PCDHGA10: variants seen among roughly 807,000 people sequenced by gnomAD.
The protein encoded by PCDHGA10 is protocadherin gamma-A10.
PCDHGA10 carries 42 observed loss-of-function variants against 59.5 expected under a neutral mutation model. That is an observed-to-expected ratio of 0.71 (90% CI 0.55 to 0.91). The LOEUF is 0.91. PCDHGA10 is among the 40% of genes least tolerant of loss of function. The pLI is 0.00. For missense variants in PCDHGA10, 1,111 were observed against 1,198.2 expected, an observed-to-expected ratio of 0.93 and a Z score of 1.07; for synonymous variants, 511 against 517.2, an observed-to-expected ratio of 0.99 and a Z score of 0.16.
intron 1 of PCDHGA10, among the ~76,000 whole-genome samples, chr5:141,457,171 T>C (rs1337137368): frequency 3.3e-5 from 5 of 152,216 alleles, no homozygotes; most frequent in Non-Finnish European, 7.3e-5. Flanking sequence ...GATAACCCTA[T>C]TGCAAATAGT....
chr5:141,485,964 T>A lies in PCDHGA10; in HGVS notation c.2437-8843T>A. 1 of 1,614,162 alleles carries A rather than the reference T, an allele frequency of 6.2e-7. No homozygotes were observed. The highest frequency in any genetic ancestry group is 8.5e-7 in the Non-Finnish European group (1 of 1,180,000). On this transcript the variant is annotated intron_variant, in intron 1 of 3. Transcript: ENST00000398610. The surrounding 1 kb of genome is among the most constrained non-coding windows in gnomAD (Gnocchi z 5.7). ...CCAGCGGGCATGGTGCTCATCCAGC[T>A]CAATGCCTCAGACCCGGACCTGGGT...
chr5:141,480,239 A>C (rs1320132415), intron 1 of PCDHGA10, among the ~76,000 whole-genome samples: 4 of 136,218 alleles, frequency 2.9e-5, no homozygotes, highest in African/African-American at 1.1e-4. Context: ...TCCTGTCTCT[A>C]CAAAAAAAAA....
intron 1 of PCDHGA10, chr5:141,420,103 G>C (rs754672450): frequency 4.3e-6 from 7 of 1,613,990 alleles, no homozygotes; most frequent in Non-Finnish European, 2.5e-6. Context: ...AGGGAACGTT[G>C]CCCTATGCCT....
In PCDHGA10 at chr5:141,414,324, T is replaced by G. The variant is rs2095735584; in HGVS notation, c.1149T>G (p.Asn383Lys). 6.2e-7 allele frequency: 1 copy of G among 1,613,758 alleles called. No homozygotes were observed. Among genetic ancestry groups the G allele is most frequent in the South Asian group, 1.1e-5 (1 of 91,076 alleles). Residue 383 changes from asparagine to lysine, a missense_variant, in exon 1 of 4, where the codon AAT (asparagine) becomes AAG (lysine). By Grantham distance (94) the Asn-to-Lys change is moderately conservative. Coordinates refer to ENST00000398610, the MANE Select transcript of PCDHGA10 (RefSeq NM_018913.3). ...LNVHDLDSEQNGQVTCSILAY... is the reference protein window; with the variant it reads ...LNVHDLDSEQKGQVTCSILAY... Reference sequence around the variant, plus strand: ...TGCATGATTTAGACTCTGAGCAGAATGGACAGGTAACCTGTTCCATTTTGG... The same window carrying G: ...TGCATGATTTAGACTCTGAGCAGAAGGGACAGGTAACCTGTTCCATTTTGG...
At chr5:141,497,143 GA>G (rs928640875) in intron 2 of PCDHGA10, among the ~76,000 whole-genome samples, 7 of 149,992 alleles carry the variant, frequency 4.7e-5, no homozygotes, top group African/African-American at 9.8e-5. Context: ...CTGAGATCAC[GA>G]AAAAAAAATA....
At chr5:141,427,861 T>G (rs776215800) in intron 1 of PCDHGA10, 2 of 1,556,958 alleles carry the variant, frequency 1.3e-6, no homozygotes, top group Admixed American at 1.7e-5. Flanking sequence ...CTGTGCGCCT[T>G]CGAGCTCACG....
intron 3 of PCDHGA10, among the ~76,000 whole-genome samples, chr5:141,509,532 A>C (rs2099877210): frequency 6.6e-6 from 1 of 152,124 alleles, no homozygotes; most frequent in African/African-American, 2.4e-5. Flanking sequence ...GCACAGGATG[A>C]AGCACCATCT....
intron 1 of PCDHGA10, among the ~76,000 whole-genome samples, chr5:141,445,582 T>C (rs886701142): frequency 6.6e-6 from 1 of 152,214 alleles, no homozygotes; most frequent in Non-Finnish European, 1.5e-5. Context: ...TAGGGAAGCT[T>C]CGCCTAATCT....
At chr5:141,507,932 G>C (rs2099865030) in intron 3 of PCDHGA10, 1 of 152,338 alleles carries the variant, frequency 6.6e-6, no homozygotes, top group Admixed American at 6.5e-5. Context: ...TGCTGAGAGG[G>C]GTTAAGTAAG....
intron 1 of PCDHGA10, among the ~76,000 whole-genome samples, chr5:141,481,950 T>C (rs1378337886): frequency 2.7e-5 from 4 of 146,216 alleles, no homozygotes; most frequent in Admixed American, 1.4e-4. Flanking sequence ...CCAGATGTGG[T>C]GGCAGGTGCC....
At chr5:141,422,806 C>A in intron 1 of PCDHGA10, 1 of 1,614,208 alleles carries the variant, frequency 6.2e-7, no homozygotes, top group Non-Finnish European at 8.5e-7. Flanking sequence ...TGAGCAGTTT[C>A]GAGACTTAGA....
intron 3 of PCDHGA10, among the ~76,000 whole-genome samples, chr5:141,509,381 C>T (rs181928019): frequency 6.6e-6 from 1 of 152,256 alleles, no homozygotes; most frequent in East Asian, 1.9e-4. Flanking sequence ...TGTCTCCTAA[C>T]CACAGAGGAT....
chr5:141,500,403 G>GT (rs2099800018), intron 2 of PCDHGA10, among the ~76,000 whole-genome samples: 1 of 151,706 alleles, frequency 6.6e-6, no homozygotes, highest in Non-Finnish European at 1.5e-5. Context: ...TAGAGACGGG[G>GT]TTTCACCGTG....
chr5:141,448,803 G>A (rs2098607666), intron 1 of PCDHGA10, among the ~76,000 whole-genome samples: 2 of 152,020 alleles, frequency 1.3e-5, no homozygotes, highest in South Asian at 4.1e-4. Flanking sequence ...AAATTAGCCA[G>A]GCGTGATGGC....
intron 2 of PCDHGA10, among the ~76,000 whole-genome samples, chr5:141,501,184 C>T (rs1209222790): frequency 6.6e-6 from 1 of 152,002 alleles, no homozygotes; most frequent in Non-Finnish European, 1.5e-5. Context: ...CATTTTAACA[C>T]AATTAAATTC....
intron 1 of PCDHGA10, among the ~76,000 whole-genome samples, chr5:141,481,695 T>A (rs2099542216): frequency 1.3e-5 from 2 of 152,122 alleles, no homozygotes; most frequent in Non-Finnish European, 2.9e-5. Context: ...GGCTCACGCC[T>A]GTAATCCCAG....
chr5:141,435,906 A>C (rs1246100275), intron 1 of PCDHGA10, among the ~76,000 whole-genome samples: 1 of 152,182 alleles, frequency 6.6e-6, no homozygotes, highest in African/African-American at 2.4e-5. Context: ...AAAGACATCC[A>C]AGGGCTCTAA....
chr5:141,476,979 G>A lies in PCDHGA10; in HGVS notation c.2437-17828G>A, dbSNP rs772801536. On this transcript the variant is annotated intron_variant, in intron 1 of 3. Coordinates refer to ENST00000398610, the MANE Select transcript of PCDHGA10 (RefSeq NM_018913.3). The surrounding 1 kb of genome is among the most constrained non-coding windows in gnomAD (Gnocchi z 7.6). ...ATTTACTCCTTCGGCAGCCACAACC[G>A]CGCCGGCGTGCGGCAACTATTCGCC... The A allele has an allele frequency of 1.9e-6, 3 of 1,614,238 alleles. No homozygotes were observed. The South Asian group carries it at 3.3e-5, about 18-fold the overall frequency.
rs1193497090 is a variant in PCDHGA10 at position 141,485,890 on chromosome 5, C to T, written c.2437-8917C>T. On this transcript the variant is annotated intron_variant, in intron 1 of 3. Coordinates refer to ENST00000398610, the MANE Select transcript of PCDHGA10 (RefSeq NM_018913.3). This position sits in a 1 kb window ranked among gnomAD's most constrained non-coding sequence, Gnocchi z 5.7. ...CCGTGCTGGACGTAAACGACAACGC[C>T]CCAGCCTTCCAGCAATCCAGCTACA... The T allele has an allele frequency of 6.2e-6, 10 of 1,614,156 alleles. No homozygotes were observed. Among genetic ancestry groups the T allele is most frequent in the Non-Finnish European group, 6.8e-6 (8 of 1,180,022 alleles).
Sources: allele counts gnomAD v4.1 joint callset (sites outside exome capture counted in the v4.1 genomes callset), GRCh38; gene constraint gnomAD v4.1.1; non-coding constraint Gnocchi (gnomAD v3.1); transcripts MANE v1.5; gene names NCBI Gene and HGNC (gene_info 2026-07-23, HGNC 2026-07-21).